The following LLGL1 variants were observed in gnomAD, a reference collection of about 807,000 sequenced individuals.
The protein encoded by LLGL1 is LLGL scribble cell polarity complex component 1, also known as lethal(2) giant larvae protein homolog 1.
In LLGL1, 58 loss-of-function variants were observed where a neutral mutation model predicts 110.6. That is an observed-to-expected ratio of 0.52 (90% CI 0.42 to 0.65). The LOEUF (loss-of-function observed/expected upper bound fraction) is 0.65. Among genes scored for constraint, LLGL1 ranks in the 30% least tolerant of loss-of-function variants. The pLI is 0.00. For missense variants in LLGL1, 1,229 were observed against 1,462.1 expected, an observed-to-expected ratio of 0.84 and a Z score of 2.60; for synonymous variants, 674 against 607.2, an observed-to-expected ratio of 1.11 and a Z score of -1.62.
At position 18,236,869 on chromosome 17, in the gene LLGL1, G is replaced by A. The variant is rs372430699; in HGVS notation, c.1541G>A (p.Arg514Gln). Residue 514 changes from arginine (R) to glutamine (Q), a missense_variant, in exon 13 of 23, where the codon CGG becomes CAG. Transcript: ENST00000316843. Reference sequence around the variant, plus strand: ...TTCGATCCCTACAGTGACGATCCCCGGCTTGGCGTGCAGAAGGTTGCTCTC... The same window carrying A: ...TTCGATCCCTACAGTGACGATCCCCAGCTTGGCGTGCAGAAGGTTGCTCTC... Reference protein sequence around the residue: ...GCFDPYSDDPRLGVQKVALCK... With the variant: ...GCFDPYSDDPQLGVQKVALCK... 1.5e-5 allele frequency: 25 copies of A among 1,613,764 alleles called. No individual in the cohort carries two copies. Among genetic ancestry groups the A allele is most frequent in the South Asian group, 2.2e-5 (2 of 91,068 alleles).
At chr17:18,237,978 T>A in intron 14 of LLGL1, 89 bp from the exon 15 acceptor site, 1 of 1,491,332 alleles carries the variant, frequency 6.7e-7, no homozygotes. Flanking sequence ...TGTGACTCCC[T>A]GACCTGGGTG....
At position 18,241,769 on chromosome 17, in the gene LLGL1, G is replaced by T. The variant is rs903850956; in HGVS notation, c.2767+54G>T. On this transcript the variant is annotated intron_variant, in intron 18 of 22. Coordinates refer to ENST00000316843, the MANE Select transcript of LLGL1 (RefSeq NM_004140.4). Reference sequence around the variant, plus strand: ...TTCCTCAGGCGAGCGAACTGAGTGGGACCAGTACTGCTTGGGAGCAGGAAG... The same window carrying T: ...TTCCTCAGGCGAGCGAACTGAGTGGTACCAGTACTGCTTGGGAGCAGGAAG... 6.2e-6 allele frequency: 10 copies of T among 1,608,318 alleles called. No homozygotes were observed. In the African/African-American group the frequency reaches 1.3e-4, roughly 21 times the overall value.
chr17:18,236,970 G>A, intron 13 of LLGL1, 31 bp downstream of exon 13: 2 of 1,546,828 alleles, frequency 1.3e-6, no homozygotes, highest in Non-Finnish European at 1.8e-6. Context: ...GGTTGGAGAT[G>A]TCAGGGAGGG....
Position 18,235,320 on chromosome 17 carries a change from C to T in LLGL1, c.1284+8C>T, listed in dbSNP as rs756749359. On this transcript the variant is annotated splice_region_variant and intron_variant, in intron 10 of 22. Coordinates refer to ENST00000316843, the MANE Select transcript of LLGL1 (RefSeq NM_004140.4). ...CCTGTCTCCAGTGCCTTGGTGTGTG[C>T]GGCGATCAGGGGGGTCTTACAGGGT... 6.0e-5 allele frequency: 97 copies of T among 1,608,928 alleles called. No individual in the cohort carries two copies. Among genetic ancestry groups the T allele is most frequent in the Admixed American group, 2.2e-4 (13 of 59,970 alleles).
intron 13 of LLGL1, 153 bp downstream of exon 13, chr17:18,237,092 A>G (rs2047710569): frequency 6.0e-6 from 4 of 664,264 alleles, no homozygotes; most frequent in Non-Finnish European, 1.0e-5. Flanking sequence ...GTGAGGACAG[A>G]TGGGAAGTGG....
Position 18,235,120 on chromosome 17 carries a change from G to C in LLGL1, c.1092G>C (p.Leu364=), listed in dbSNP as rs1195935768. The change falls in exon 10 of 23, where the codon CTG becomes CTC. Residue 364 remains leucine (L), a synonymous_variant. Coordinates refer to ENST00000316843, the MANE Select transcript of LLGL1 (RefSeq NM_004140.4). ...EFDDPQALAV[L]LEEELVVLDL... Reference sequence around the variant, plus strand: ...ATGACCCCCAGGCCCTGGCTGTGCTGCTGGAAGAGGAGCTGGTGGTGCTGG... The same window carrying C: ...ATGACCCCCAGGCCCTGGCTGTGCTCCTGGAAGAGGAGCTGGTGGTGCTGG... The C allele has an allele frequency of 6.2e-7, 1 of 1,613,760 alleles. No homozygotes were observed. Among genetic ancestry groups the C allele is most frequent in the Non-Finnish European group, 8.5e-7 (1 of 1,180,038 alleles).
At chr17:18,231,754 G>A (rs896728910) in intron 2 of LLGL1, among the ~76,000 whole-genome samples, 13 of 152,114 alleles carry the variant, frequency 8.5e-5, no homozygotes, top group Admixed American at 4.6e-4. Context: ...TTTGCCTCCC[G>A]GGTTCAAGCA....
intron 14 of LLGL1, 41 bp downstream of exon 14, chr17:18,237,814 C>A (rs764701792): frequency 6.4e-7 from 1 of 1,567,234 alleles, no homozygotes; most frequent in East Asian, 2.3e-5. Context: ...GAGCCCCCAG[C>A]GAGATGGGGT....
In LLGL1 at chr17:18,237,578, G is replaced by T. The variant is rs2047722594; in HGVS notation, c.1709G>T (p.Gly570Val). Residue 570 changes from glycine (G) to valine (V), a missense_variant, in exon 14 of 23, where the codon GGC (glycine) becomes GTC (valine). Physicochemically the swap from Gly to Val is moderately radical, Grantham distance 109. Transcript: ENST00000316843. ...LQDREGFTWK[G>V]HERLSPRTGP... Reference sequence around the variant, plus strand: ...GACCGCGAGGGCTTCACATGGAAGGGCCACGAGCGGCTGAGCCCACGCACG... The same window carrying T: ...GACCGCGAGGGCTTCACATGGAAGGTCCACGAGCGGCTGAGCCCACGCACG... The T allele has an allele frequency of 1.2e-6, 2 of 1,610,352 alleles. No homozygotes were observed. The highest frequency in any genetic ancestry group is 2.2e-4 in the Middle Eastern group (1 of 4,528).
chr17:18,240,684 G>GC lies in LLGL1; in HGVS notation c.2314dup (p.Gln772ProfsTer47). 6.2e-7 allele frequency: 1 copy of GC among 1,613,142 alleles called. No individual in the cohort carries two copies. The highest frequency in any genetic ancestry group is 1.3e-5 in the African/African-American group (1 of 75,044). On this transcript the variant is annotated frameshift_variant, in exon 17 of 23. Coordinates refer to ENST00000316843, the MANE Select transcript of LLGL1 (RefSeq NM_004140.4). LOFTEE classifies it high-confidence loss of function. This position sits in a 1 kb window ranked among gnomAD's most constrained non-coding sequence, Gnocchi z 5.3. ...CAGTGGGTGGTGAGAAGCGGCCTGAGCAAGCGGTGGAGGCCGTGCTGGGCA... is the reference window on the plus strand; with the variant it reads ...CAGTGGGTGGTGAGAAGCGGCCTGAGCCAAGCGGTGGAGGCCGTGCTGGGCA...
rs767722742 is a variant in LLGL1, at chr17:18,241,856, CTG to C, written c.2768-28_2768-27del. 3 of 1,604,816 alleles carry C rather than the reference CTG, an allele frequency of 1.9e-6. No homozygotes were observed. The African/African-American group carries it at 4.0e-5, about 21-fold the overall frequency. ...AGCTGTGGTTGGTGGTATCTTCTAA[CTG>C]CACTCCTCATTCTTCTGCCCACCCA... On this transcript the variant is annotated intron_variant, in intron 18 of 22. Transcript: ENST00000316843.
intron 1 of LLGL1, among the ~76,000 whole-genome samples, chr17:18,228,610 A>G (rs1319184806): frequency 6.6e-6 from 1 of 152,154 alleles, no homozygotes; most frequent in Non-Finnish European, 1.5e-5. Context: ...GATGCTGGAC[A>G]GTGCATGTAA....
chr17:18,229,815 G>A lies in LLGL1; in HGVS notation c.82-126G>A. ...AGGACGCTGAGGCACAGAGCAAGTA[G>A]ACCTGCCTCCTACCCCCAGTGTGTC... On this transcript the variant is annotated intron_variant, in intron 1 of 22. Transcript: ENST00000316843. 4.6e-6 allele frequency: 3 copies of A among 652,006 alleles called. No homozygotes were observed. The African/African-American group carries it at 5.4e-5, about 12-fold the overall frequency. 40.4% of individuals were successfully genotyped at this position (652,006 alleles called of 1,614,324 possible).
intron 1 of LLGL1, 56 bp downstream of exon 1, chr17:18,225,819 G>C (rs1356213113): frequency 1.2e-6 from 1 of 811,616 alleles, no homozygotes; most frequent in Non-Finnish European, 1.5e-6. Flanking sequence ...CGGGGGCCTG[G>C]GCTGGGGGCC....
chr17:18,230,502 G>A (rs530912648), intron 2 of LLGL1, among the ~76,000 whole-genome samples: 17 of 151,064 alleles, frequency 1.1e-4, no homozygotes, highest in African/African-American at 3.9e-4. Flanking sequence ...GGTGAGCACA[G>A]CACGGCCCCC....
intron 2 of LLGL1, among the ~76,000 whole-genome samples, chr17:18,231,936 G>C (rs1267954825): frequency 3.9e-5 from 6 of 152,162 alleles, no homozygotes; most frequent in Admixed American, 2.0e-4. Context: ...GGGATTACAG[G>C]AGCGAGCCAC....
Position 18,244,240 on chromosome 17 carries a change from C to CT in LLGL1, c.*334_*335insT, listed in dbSNP as rs2047925953. On this transcript the variant is annotated 3_prime_UTR_variant, in exon 23 of 23. Coordinates refer to ENST00000316843, the MANE Select transcript of LLGL1 (RefSeq NM_004140.4). The stretch of plus-strand genomic sequence containing the variant: ...CCCCCTCACTTTGCAGAGTATTTTT[C>CT]CTTTTTTTTTTTTTTCTTAAAGACG... 7.3e-6 allele frequency: 1 copy of CT among 137,820 alleles called. No homozygotes were observed. Among genetic ancestry groups the CT allele is most frequent in the African/African-American group, 2.8e-5 (1 of 36,108 alleles). 8.5% of individuals were successfully genotyped at this position (137,820 alleles called of 1,614,324 possible). A position where few individuals can be genotyped will look rare whatever the true frequency, so the allele number is the denominator to read the frequency against.
chr17:18,235,428 T>C, intron 10 of LLGL1, 42 bp from the exon 11 acceptor site: 1 of 1,611,882 alleles, frequency 6.2e-7, no homozygotes, highest in Non-Finnish European at 8.5e-7. Flanking sequence ...GAGAAGATGT[T>C]CGTCCTAACC....
rs1375589655 is a variant in LLGL1 at position 18,229,941 on chromosome 17, A to G, written c.82A>G (p.Thr28Ala). The G allele has an allele frequency of 1.2e-6, 2 of 1,606,272 alleles. No homozygotes were observed. The highest frequency in any genetic ancestry group is 1.7e-6 in the Non-Finnish European group (2 of 1,177,384). The change falls in exon 2 of 23, where the codon ACT (threonine) becomes GCT (alanine). Residue 28 changes from threonine to alanine, a missense_variant and splice_region_variant. By Grantham distance (58) the Thr-to-Ala change is moderately conservative (BLOSUM62 0). Transcript: ENST00000316843. ...CCCAGCAGCCCTCCCCTCCTTGCAG[A>G]CTGTGGAGCATGGCTTCCCCAATCA... Reference protein sequence around the residue: ...LKQELFAFNKTVEHGFPNQPS... With the variant: ...LKQELFAFNKAVEHGFPNQPS...
Sources: allele counts gnomAD v4.1 joint callset (sites outside exome capture counted in the v4.1 genomes callset), GRCh38; gene constraint gnomAD v4.1.1; non-coding constraint Gnocchi (gnomAD v3.1); transcripts MANE v1.5; gene names NCBI Gene and HGNC (gene_info 2026-07-23, HGNC 2026-07-21).